Variants in ST7 observed in about 807,000 individuals in gnomAD.
The protein encoded by ST7 is suppressor of tumorigenicity 7 protein.
In ST7, 28 loss-of-function variants were observed where a neutral mutation model predicts 78.7. That is an observed-to-expected ratio of 0.36 (90% CI 0.26 to 0.49). ST7 has a LOEUF of 0.49. ST7 is among the 20% of genes least tolerant of loss of function. ST7 has a pLI of 0.99. For missense variants in ST7, 418 were observed against 696.0 expected, an observed-to-expected ratio of 0.60 and a Z score of 4.49; for synonymous variants, 247 against 249.6, an observed-to-expected ratio of 0.99 and a Z score of 0.10.
At chr7:116,992,055 A>C (rs771761431) in intron 1 of ST7, among the ~76,000 whole-genome samples, 1 of 152,154 alleles carries the variant, frequency 6.6e-6, no homozygotes, top group Non-Finnish European at 1.5e-5. Context: ...CTCTGCCCCC[A>C]TGGCTTTGCA....
chr7:117,091,930 G>T (rs1800646699), intron 1 of ST7, among the ~76,000 whole-genome samples: 1 of 152,130 alleles, frequency 6.6e-6, no homozygotes, highest in South Asian at 2.1e-4. Flanking sequence ...CAGGCTGTTG[G>T]CAGTAATCAT....
chr7:116,973,245 GTC>G (rs375519238), intron 1 of ST7, among the ~76,000 whole-genome samples: 2 of 151,410 alleles, frequency 1.3e-5, no homozygotes, highest in African/African-American at 4.9e-5. Context: ...CTTGTCCTCT[GTC>G]TCTCTCTCTC....
intron 15 of ST7, among the ~76,000 whole-genome samples, chr7:117,227,180 C>T (rs1793501574): frequency 6.6e-6 from 1 of 152,210 alleles, no homozygotes; most frequent in South Asian, 2.1e-4. Context: ...GAGGACCCCA[C>T]ATTTTAGTGT....
At chr7:117,176,840 GA>G (rs1235500890) in intron 10 of ST7, among the ~76,000 whole-genome samples, 4 of 152,152 alleles carry the variant, frequency 2.6e-5, no homozygotes, top group Non-Finnish European at 5.9e-5. Context: ...AGCAGCCTCT[GA>G]AAATACTCAC....
Position 117,198,316 on chromosome 7 carries a change from G to T in ST7, c.1254+7380G>T, listed in dbSNP as rs548835150. 4.5e-3 allele frequency: 2,051 copies of T among 456,400 alleles called. 3 individuals are homozygous for T. The highest frequency in any genetic ancestry group is 6.9e-3 in the Non-Finnish European group (1,576 of 226,798). The allele number at this position is 456,400 out of a possible 1,614,324, so 28.3% of individuals were successfully genotyped here. On this transcript the variant is annotated intron_variant, in intron 12 of 15. Transcript: ENST00000323984. ...TACCTCCCGTTCTATTTCTGTGCTT[G>T]CAGGCTAGGTGGAAATAGAGGCTGC...
At chr7:117,162,495 C>T (rs763519675) in intron 9 of ST7, among the ~76,000 whole-genome samples, 2 of 148,726 alleles carry the variant, frequency 1.3e-5, no homozygotes, top group Non-Finnish European at 3.0e-5. Flanking sequence ...AGTGAATATC[C>T]GCACACGGGG....
intron 1 of ST7, among the ~76,000 whole-genome samples, chr7:117,031,372 A>C (rs1324042587): frequency 1.3e-5 from 1 of 78,306 alleles, no homozygotes; most frequent in Non-Finnish European, 3.2e-5. Context: ...GTGTGTGTAT[A>C]TGTGTGTATA....
chr7:117,052,384 G>T (rs552365199), intron 1 of ST7, among the ~76,000 whole-genome samples: 166 of 152,234 alleles, frequency 1.1e-3, no homozygotes, highest in African/African-American at 3.9e-3. Context: ...TGCACCACCA[G>T]AAAGGATTTT....
At chr7:117,202,787 TC>T (rs1810998164) in intron 12 of ST7, among the ~76,000 whole-genome samples, 1 of 152,196 alleles carries the variant, frequency 6.6e-6, no homozygotes, top group Non-Finnish European at 1.5e-5. Flanking sequence ...CCAGGAGGGT[TC>T]CCCGGACCTC....
chr7:117,163,053 G>A (rs553015103), intron 9 of ST7, among the ~76,000 whole-genome samples: 19 of 152,132 alleles, frequency 1.2e-4, no homozygotes, highest in African/African-American at 3.4e-4. Flanking sequence ...GGCTTATTTC[G>A]CTTAACATAA....
chr7:117,177,008 AT>A (rs1354200577), intron 10 of ST7, among the ~76,000 whole-genome samples: 1 of 152,218 alleles, frequency 6.6e-6, no homozygotes, highest in African/African-American at 2.4e-5. Flanking sequence ...TGTGTAAAAG[AT>A]GGGCGAATGA....
intron 1 of ST7, among the ~76,000 whole-genome samples, chr7:116,990,083 C>T (rs1201515130): frequency 6.6e-6 from 1 of 151,994 alleles, no homozygotes; most frequent in Non-Finnish European, 1.5e-5. Flanking sequence ...TGGGACTACA[C>T]ATGCCACCAC....
In ST7 at chr7:117,134,205, C is replaced by G. The variant is rs753488559; in HGVS notation, c.710+13C>G. The stretch of plus-strand genomic sequence containing the variant: ...AATTGTTACCAAAGTAAGTCAAGAA[C>G]CTGTTGGGTGCCCTACTTCTAACCA... On this transcript the variant is annotated intron_variant, in intron 7 of 15. Coordinates refer to ENST00000323984, the MANE Select transcript of ST7 (RefSeq NM_001369598.1). The G allele has an allele frequency of 5.6e-6, 9 of 1,611,462 alleles. No individual in the cohort carries two copies. The East Asian group carries it at 2.0e-4, about 36-fold the overall frequency.
At chr7:117,155,465 C>A (rs756736768) in intron 9 of ST7, among the ~76,000 whole-genome samples, 1 of 152,102 alleles carries the variant, frequency 6.6e-6, no homozygotes, top group Non-Finnish European at 1.5e-5. Context: ...GGAATGGAGG[C>A]AGGAGGCCAG....
At chr7:117,109,792 G>A (rs1270419252) in intron 2 of ST7, among the ~76,000 whole-genome samples, 1 of 152,122 alleles carries the variant, frequency 6.6e-6, no homozygotes, top group African/African-American at 2.4e-5. Flanking sequence ...AAAATTCTCA[G>A]TAAAATATTA....
chr7:117,156,874 G>A (rs1267414219), intron 9 of ST7, among the ~76,000 whole-genome samples: 1 of 152,162 alleles, frequency 6.6e-6, no homozygotes, highest in African/African-American at 2.4e-5. Flanking sequence ...TAACCGGAGA[G>A]CAGTATGTTA....
chr7:117,038,239 G>A (rs542834442), intron 1 of ST7, among the ~76,000 whole-genome samples: 1 of 152,218 alleles, frequency 6.6e-6, no homozygotes, highest in Non-Finnish European at 1.5e-5. Context: ...ACCTATGCAG[G>A]GTAGTTTTAG....
intron 1 of ST7, among the ~76,000 whole-genome samples, chr7:117,095,884 A>T (rs1294135686): frequency 2.0e-5 from 3 of 151,840 alleles, no homozygotes; most frequent in Admixed American, 6.6e-5. Flanking sequence ...CCTGGCCAAC[A>T]TGGTGAACCC....
intron 1 of ST7, among the ~76,000 whole-genome samples, chr7:116,970,063 G>A (rs560113912): frequency 6.6e-6 from 1 of 152,158 alleles, no homozygotes; most frequent in South Asian, 2.1e-4. Context: ...CAACAAGAGT[G>A]AAACTTTGTC....
Sources: allele counts gnomAD v4.1 joint callset (sites outside exome capture counted in the v4.1 genomes callset), GRCh38; gene constraint gnomAD v4.1.1; transcripts MANE v1.5; gene names NCBI Gene and HGNC (gene_info 2026-07-23, HGNC 2026-07-21).